MFHAS1: variants seen among roughly 807,000 people sequenced by gnomAD.
MFHAS1 encodes multifunctional ROCO family signaling regulator 1, also known as malignant fibrous histiocytoma-amplified sequence 1.
A neutral mutation model predicts 70.4 loss-of-function variants in MFHAS1; 50 were observed. The observed-to-expected ratio is 0.71, with a 90% CI of 0.57 to 0.90. MFHAS1 has a LOEUF of 0.90. Among genes scored for constraint, MFHAS1 ranks in the 40% least tolerant of loss-of-function variants. The pLI is 0.00. For synonymous variants in MFHAS1, 952 were observed against 620.0 expected (o/e 1.54, Z -7.96); for missense variants, 1,795 against 1,347.6 (o/e 1.33, Z -5.20).
rs1273428099 is a variant in MFHAS1, at chr8:8,891,697, C to T, written c.1362G>A (p.Val454=). ...EKCYPPSPPP[V]SKGIEVTSWT... is the part of the protein sequence containing the mutation. ...AGCTGGTCACCTCGATGCCCTTGCT[C>T]ACAGGGGGAGGTGACGGTGGGTAGC... Residue 454 remains valine, a synonymous_variant, in exon 1 of 3, where the codon GTG becomes GTA. Coordinates refer to ENST00000276282, the MANE Select transcript of MFHAS1 (RefSeq NM_004225.3). The surrounding 1 kb of genome is among the most constrained non-coding windows in gnomAD (Gnocchi z 5.4). 2.5e-6 allele frequency: 4 copies of T among 1,613,534 alleles called. No homozygotes were observed. In the South Asian group the frequency reaches 3.3e-5, roughly 13 times the overall value.
Position 8,892,843 on chromosome 8 carries a change from G to T in MFHAS1, c.216C>A (p.Asn72Lys). 1 of 1,596,842 alleles carries T rather than the reference G, an allele frequency of 6.3e-7. No homozygotes were observed. The highest frequency in any genetic ancestry group is 8.5e-7 in the Non-Finnish European group (1 of 1,172,340). The change falls in exon 1 of 3, where the codon AAC becomes AAA. Residue 72 changes from asparagine (N) to lysine (K), a missense_variant. By Grantham distance (94) the Asn-to-Lys change is moderately conservative. Transcript: ENST00000276282. The surrounding 1 kb of genome is among the most constrained non-coding windows in gnomAD (Gnocchi z 4.7). Reference protein sequence around the residue: ...LGDIEALNLGNNGLEEVPEGL... With the variant: ...LGDIEALNLGKNGLEEVPEGL... ...CCTCGGGTACCTCCTCCAGGCCGTT[G>T]TTCCCCAGGTTCAGTGCCTCAATGT...
At chr8:8,792,591 G>A (rs1230181719) in intron 2 of MFHAS1, among the ~76,000 whole-genome samples, 1 of 152,192 alleles carries the variant, frequency 6.6e-6, no homozygotes, top group Non-Finnish European at 1.5e-5. Flanking sequence ...GGGCTACAGA[G>A]TGAGACTTCA....
At chr8:8,865,815 C>A (rs1316832147) in intron 1 of MFHAS1, among the ~76,000 whole-genome samples, 3 of 152,140 alleles carry the variant, frequency 2.0e-5, no homozygotes, top group African/African-American at 7.2e-5. Flanking sequence ...TTTTCATAGT[C>A]CAAAAAGGTC....
In MFHAS1 at chr8:8,890,475, C is replaced by G; in HGVS notation, c.2584G>C (p.Glu862Gln). ...CYVQNEVPHA[E>Q]AWINGTNLAG... ...AGGTTGGTCCCATTAATCCAGGCTTCTGCATGGGGCACCTCGTTCTGCACA... is the reference window on the plus strand; with the variant it reads ...AGGTTGGTCCCATTAATCCAGGCTTGTGCATGGGGCACCTCGTTCTGCACA... Residue 862 changes from glutamate (E) to glutamine (Q), a missense_variant, in exon 1 of 3, where the codon GAA becomes CAA. Physicochemically the swap from Glu to Gln is conservative, Grantham distance 29. Transcript: ENST00000276282. 6.2e-7 allele frequency: 1 copy of G among 1,613,876 alleles called. No homozygotes were observed. The highest frequency in any genetic ancestry group is 8.5e-7 in the Non-Finnish European group (1 of 1,180,042).
Position 8,890,799 on chromosome 8 carries a change from G to A in MFHAS1, c.2260C>T (p.Leu754=). 2 of 1,614,172 alleles carry A rather than the reference G, an allele frequency of 1.2e-6. No homozygotes were observed. Among genetic ancestry groups the A allele is most frequent in the Non-Finnish European group, 1.7e-6 (2 of 1,180,012 alleles). ...GCCTTGCCCTCTCCACTGGTCCCTAGGAGCAGCTTATGCAGCAGCAAAGAG... is the reference window on the plus strand; with the variant it reads ...GCCTTGCCCTCTCCACTGGTCCCTAAGAGCAGCTTATGCAGCAGCAAAGAG... ...DPSLLLHKLL[L]GTSGEGKAEG... is the part of the protein sequence containing the mutation. Residue 754 remains leucine (L), a synonymous_variant, in exon 1 of 3, where the codon CTA becomes TTA. Transcript: ENST00000276282.
chr8:8,795,629 G>A (rs529906382), intron 2 of MFHAS1, among the ~76,000 whole-genome samples: 17 of 152,298 alleles, frequency 1.1e-4, no homozygotes, highest in East Asian at 5.8e-4. Context: ...TTGGAGAAAC[G>A]GGGCACTGAG....
Position 8,892,186 on chromosome 8 carries a change from C to A in MFHAS1, c.873G>T (p.Ala291=), listed in dbSNP as rs1810085196. ...CCTCCAGACCAGCCAGGGGCAGCAG[C>A]GCGGCAGGGAACTCCTCGAAGAGGT... ...SSNLFEEFPA[A]LLPLAGLEEL... The change falls in exon 1 of 3, where the codon GCG becomes GCT. Residue 291 remains alanine, a synonymous_variant. Coordinates refer to ENST00000276282, the MANE Select transcript of MFHAS1 (RefSeq NM_004225.3). This position sits in a 1 kb window ranked among gnomAD's most constrained non-coding sequence, Gnocchi z 4.7. 1.9e-6 allele frequency: 3 copies of A among 1,609,966 alleles called. No individual in the cohort carries two copies. The highest frequency in any genetic ancestry group is 2.7e-5 in the African/African-American group (2 of 74,914).
chr8:8,790,426 T>C, intron 2 of MFHAS1: 1 of 969,208 alleles, frequency 1.0e-6, no homozygotes, highest in Non-Finnish European at 1.2e-6. Context: ...CAAGAAAGTA[T>C]GAAGATACCT....
At chr8:8,812,826 G>A (rs1174045507) in intron 1 of MFHAS1, among the ~76,000 whole-genome samples, 1 of 151,994 alleles carries the variant, frequency 6.6e-6, no homozygotes, top group African/African-American at 2.4e-5. Flanking sequence ...GAGTGCAGTG[G>A]AGTGATCTGA....
chr8:8,866,318 G>GT (rs11306798), intron 1 of MFHAS1, among the ~76,000 whole-genome samples: 10,906 of 141,280 alleles, frequency 0.077, 552 homozygotes, highest in Admixed American at 0.18. Flanking sequence ...CTTCTTTTTT[G>GT]TTTTTTTTTT....
At chr8:8,815,389 G>C (rs1202551865) in intron 1 of MFHAS1, among the ~76,000 whole-genome samples, 3 of 152,074 alleles carry the variant, frequency 2.0e-5, no homozygotes, top group Non-Finnish European at 4.4e-5. Context: ...CCCAGTAATG[G>C]AATTGCTGGG....
intron 1 of MFHAS1, among the ~76,000 whole-genome samples, chr8:8,856,980 G>GGAAA (rs1491415848): frequency 9.4e-5 from 5 of 53,392 alleles, no homozygotes; most frequent in African/African-American, 3.0e-4. Context: ...TCAGGAAAGT[G>GGAAA]AAAAAAAAAA....
intron 1 of MFHAS1, among the ~76,000 whole-genome samples, chr8:8,874,976 C>A (rs1174686186): frequency 1.3e-5 from 2 of 149,772 alleles, no homozygotes; most frequent in African/African-American, 4.9e-5. Flanking sequence ...AAAGAAGCAA[C>A]ACAATTAGGC....
intron 1 of MFHAS1, among the ~76,000 whole-genome samples, chr8:8,803,801 G>C (rs753926379): frequency 1.3e-5 from 2 of 151,816 alleles, no homozygotes; most frequent in African/African-American, 2.4e-5. Context: ...GTGGAACCTC[G>C]GCTCTACTAA....
chr8:8,883,976 C>A (rs910311771), intron 1 of MFHAS1, among the ~76,000 whole-genome samples: 3 of 150,148 alleles, frequency 2.0e-5, no homozygotes, highest in Non-Finnish European at 4.4e-5. Context: ...GTGGGGAGGA[C>A]CATTTGAGGC....
chr8:8,799,818 C>T (rs73517985), intron 1 of MFHAS1, among the ~76,000 whole-genome samples: 29,459 of 152,162 alleles, frequency 0.19, 2,971 homozygotes, highest in South Asian at 0.23. Context: ...AAAGGCCACA[C>T]TGATAGCGCA....
At chr8:8,881,839 G>GCAGCAGC (rs1809538012) in intron 1 of MFHAS1, among the ~76,000 whole-genome samples, 1 of 147,494 alleles carries the variant, frequency 6.8e-6, no homozygotes, top group Non-Finnish European at 1.5e-5. Context: ...AAAAAAGAAA[G>GCAGCAGC]CAGCAGCCAG....
rs779387769 is a variant in MFHAS1 at position 8,892,452 on chromosome 8, G to A, written c.607C>T (p.Leu203=). 4.3e-6 allele frequency: 7 copies of A among 1,610,220 alleles called. No homozygotes were observed. In the African/African-American group the frequency reaches 5.3e-5, roughly 12 times the overall value. The part of the protein sequence containing the change: ...LTAFPRQLLQ[L]VALEELDVSS... ...ACGTCCAGCTCCTCCAGGGCCACCA[G>A]CTGCAGCAGCTGCCGGGGGAAGGCA... The change falls in exon 1 of 3, where the codon CTG becomes TTG. Residue 203 remains leucine (L), a synonymous_variant. Coordinates refer to ENST00000276282, the MANE Select transcript of MFHAS1 (RefSeq NM_004225.3). The surrounding 1 kb of genome is among the most constrained non-coding windows in gnomAD (Gnocchi z 4.7).
At chr8:8,866,871 A>T (rs1808878382) in intron 1 of MFHAS1, among the ~76,000 whole-genome samples, 1 of 152,222 alleles carries the variant, frequency 6.6e-6, no homozygotes, top group African/African-American at 2.4e-5. Flanking sequence ...TGAATTCATG[A>T]ATCAGGAAAG....
Sources: gnomAD v4.1 joint callset for allele counts (sites outside exome capture counted in the v4.1 genomes callset) on GRCh38, gnomAD v4.1.1 for gene constraint, Gnocchi (gnomAD v3.1) non-coding constraint, MANE v1.5 for transcripts, NCBI Gene and HGNC (gene_info 2026-07-23, HGNC 2026-07-21) for gene names.